DMD: variants seen among roughly 807,000 people sequenced by gnomAD.
The protein encoded by DMD is mutant dystrophin.
In DMD, 63 loss-of-function variants were observed where a neutral mutation model predicts 330.1. The ratio of observed to expected loss-of-function variants is 0.19; its 90% CI spans 0.16 to 0.24. The LOEUF (loss-of-function observed/expected upper bound fraction) is 0.24. Ranked by LOEUF, DMD falls within the 10% of genes least tolerant of loss-of-function variation. The pLI, the probability that DMD is intolerant of heterozygous loss-of-function variation, is 1.00. For missense variants in DMD, 3,344 were observed against 2,684.1 expected, an observed-to-expected ratio of 1.25 and a Z score of -5.43; for synonymous variants, 1,223 against 959.8, an observed-to-expected ratio of 1.27 and a Z score of -5.07.
chrX:32,783,002 C>T (rs1157681307), intron 7 of DMD, among the ~76,000 whole-genome samples: 1 of 102,447 alleles, frequency 9.8e-6, no homozygotes, highest in Admixed American at 1.1e-4. Flanking sequence ...TGTATATATA[C>T]ACACACACGT....
At chrX:32,335,703 CATAACATGTATAT>C (rs1380660428) in intron 41 of DMD, among the ~76,000 whole-genome samples, 2 of 106,000 alleles carry the variant, frequency 1.9e-5, no homozygotes, top group African/African-American at 6.7e-5. Context: ...ATGTTATATA[CATAACATGTATAT>C]ATAACATGTA....
At chrX:31,820,831 T>G (rs1254546630) in intron 49 of DMD, among the ~76,000 whole-genome samples, 1 of 111,996 alleles carries the variant, frequency 8.9e-6, no homozygotes, top group East Asian at 2.8e-4. Flanking sequence ...CAACTGGATC[T>G]CTGATCTCAG....
chrX:32,022,872 G>T (rs1309288523), intron 44 of DMD, among the ~76,000 whole-genome samples: 1 of 97,967 alleles, frequency 1.0e-5, no homozygotes, highest in African/African-American at 3.9e-5. Flanking sequence ...TGCTCTTGTC[G>T]CCCAGGCTGG....
chrX:32,567,368 A>C (rs903578493), intron 15 of DMD, among the ~76,000 whole-genome samples: 9 of 111,877 alleles, frequency 8.0e-5, no homozygotes, highest in Non-Finnish European at 1.3e-4. Context: ...AATAAAACTC[A>C]CGGTGTGGGG....
At chrX:32,790,660 C>A (rs767134063) in intron 7 of DMD, among the ~76,000 whole-genome samples, 1 of 111,798 alleles carries the variant, frequency 8.9e-6, no homozygotes, top group Non-Finnish European at 1.9e-5. Context: ...GCAGCAAACC[C>A]TCCCCTGCCC....
At chrX:32,397,872 T>A (rs769211735) in intron 30 of DMD, among the ~76,000 whole-genome samples, 5 of 111,137 alleles carry the variant, frequency 4.5e-5, no homozygotes, top group African/African-American at 1.3e-4. Context: ...CAAATAATTA[T>A]TGGAGTTTCT....
intron 76 of DMD, among the ~76,000 whole-genome samples, chrX:31,137,478 G>A (rs1777629760): frequency 8.9e-6 from 1 of 111,759 alleles, no homozygotes; most frequent in Non-Finnish European, 1.9e-5. Context: ...TAATACCATT[G>A]TAATATTTGA....
chrX:32,678,516 G>GT (rs1299555761), intron 9 of DMD, among the ~76,000 whole-genome samples: 4 of 111,193 alleles, frequency 3.6e-5, no homozygotes, highest in African/African-American at 6.6e-5. Context: ...GTGTGTGTGT[G>GT]TGTGTTGTGT....
At chrX:31,753,463 G>A (rs779957525) in intron 51 of DMD, among the ~76,000 whole-genome samples, 1 of 111,723 alleles carries the variant, frequency 9.0e-6, no homozygotes, top group Non-Finnish European at 1.9e-5. Context: ...TACAAGTTAT[G>A]AAGTGGAAGA....
At chrX:33,097,829 T>C (rs1159994024) in intron 1 of DMD, among the ~76,000 whole-genome samples, 1 of 109,628 alleles carries the variant, frequency 9.1e-6, no homozygotes, top group Non-Finnish European at 1.9e-5. Context: ...CTGGCCAGGC[T>C]GGTCTCAAAC....
At chrX:32,414,277 C>A (rs892453724) in intron 29 of DMD, among the ~76,000 whole-genome samples, 1 of 111,499 alleles carries the variant, frequency 9.0e-6, no homozygotes. Flanking sequence ...ACCTCTGGCA[C>A]CTTCTAAGTT....
At chrX:33,224,681 CACA>C (rs1412478511) in intron 1 of DMD, among the ~76,000 whole-genome samples, 9 of 111,216 alleles carry the variant, frequency 8.1e-5, no homozygotes, top group African/African-American at 2.3e-4. Context: ...ACACAGAAAA[CACA>C]ACAACAAGAG....
rs760388736 is a variant in DMD at position 32,384,616 on chromosome X, A to G, written c.4674+1694T>C. 3.6e-5 allele frequency among the ~76,000 whole-genome samples: 4 copies of G among 111,079 alleles called. No homozygotes were observed. The South Asian group carries it at 1.5e-3, about 41-fold the overall frequency. On this transcript the variant is annotated intron_variant, in intron 33 of 78. Coordinates refer to ENST00000357033, the MANE Select transcript of DMD (RefSeq NM_004006.3). ...ATTACTTCCAGATTTCAACTTAATT[A>G]TAAAATTTACTTTCTATGGTAAGGA...
intron 9 of DMD, among the ~76,000 whole-genome samples, chrX:32,692,103 T>G (rs1486027893): frequency 8.9e-6 from 1 of 112,239 alleles, no homozygotes; most frequent in Non-Finnish European, 1.9e-5. Flanking sequence ...TACTGAACAA[T>G]GCTGTATTTT....
chrX:32,237,381 T>A (rs1202171843), intron 43 of DMD, among the ~76,000 whole-genome samples: 1 of 110,870 alleles, frequency 9.0e-6, no homozygotes, highest in African/African-American at 3.3e-5. Context: ...GTAACAAAAT[T>A]CCTGGAGCAC....
intron 44 of DMD, among the ~76,000 whole-genome samples, chrX:32,103,032 G>A (rs1430347826): frequency 1.8e-5 from 2 of 111,832 alleles, no homozygotes; most frequent in African/African-American, 6.5e-5. Flanking sequence ...GTTACTCCCT[G>A]TGATTACTTT....
intron 52 of DMD, among the ~76,000 whole-genome samples, chrX:31,721,174 G>A (rs547776055): frequency 5.4e-5 from 6 of 111,410 alleles, no homozygotes; most frequent in South Asian, 7.6e-4. Context: ...AAAGAACCAC[G>A]AGATTTATAT....
intron 43 of DMD, among the ~76,000 whole-genome samples, chrX:32,270,912 TATTG>T (rs1313940397): frequency 2.7e-5 from 3 of 111,711 alleles, no homozygotes; most frequent in Non-Finnish European, 3.8e-5. Flanking sequence ...AGCTGACTAA[TATTG>T]ATTGACTTTG....
intron 55 of DMD, among the ~76,000 whole-genome samples, chrX:31,530,114 A>T (rs946525028): frequency 3.6e-5 from 4 of 111,814 alleles, no homozygotes; most frequent in South Asian, 3.8e-4. Context: ...TACAGATTTT[A>T]TGTTTAAAAA....
Sources: allele counts gnomAD v4.1 joint callset (sites outside exome capture counted in the v4.1 genomes callset), GRCh38; gene constraint gnomAD v4.1.1; transcripts MANE v1.5; gene names NCBI Gene and HGNC (gene_info 2026-07-23, HGNC 2026-07-21).